The following CCDC68 variants were observed in gnomAD, a reference collection of about 807,000 sequenced individuals.
CCDC68 encodes the protein coiled-coil domain containing 68, also known as coiled-coil domain-containing protein 68.
In CCDC68, 45 loss-of-function variants were observed where a neutral mutation model predicts 47.1. That is an observed-to-expected ratio of 0.96 (90% CI 0.75 to 1.23). CCDC68 has a LOEUF of 1.23. CCDC68 is among the 50% of genes most tolerant of loss of function. The pLI, the probability that CCDC68 is intolerant of heterozygous loss-of-function variation, is 0.00. For synonymous variants in CCDC68, 131 were observed against 129.5 expected, an observed-to-expected ratio of 1.01 and a Z score of -0.08; for missense variants, 353 against 373.6, an observed-to-expected ratio of 0.94 and a Z score of 0.45.
In CCDC68 at chr18:54,940,997, C is replaced by T. The variant is rs755202062; in HGVS notation, c.204G>A (p.Lys68=). Residue 68 remains lysine, a splice_region_variant and synonymous_variant, in exon 4 of 12, where the codon AAG becomes AAA. Transcript: ENST00000591504. ...CTAATCTTCTGCAGGAAATTATTAC[C>T]TTTGCATCTAGTTTGTGATTTGTAC... ...HDSTNHKLDA[K]HCGNLQQGSD... is the part of the protein sequence containing the mutation. 3 of 1,597,352 alleles carry T rather than the reference C, an allele frequency of 1.9e-6. No homozygotes were observed. The highest frequency in any genetic ancestry group is 1.7e-6 in the Non-Finnish European group (2 of 1,166,214).
intron 1 of CCDC68, chr18:54,954,372 A>G (rs2044676970): frequency 6.6e-6 from 1 of 151,804 alleles, no homozygotes. Context: ...CCTACTTTTT[A>G]TCAACACCAT....
chr18:54,928,081 T>C (rs571106031), intron 8 of CCDC68, among the ~76,000 whole-genome samples: 1 of 152,316 alleles, frequency 6.6e-6, no homozygotes, highest in African/African-American at 2.4e-5. Flanking sequence ...TTGAACAATA[T>C]TATATAATTA....
At chr18:54,942,316 T>TTGGG (rs1195459139) in intron 3 of CCDC68, among the ~76,000 whole-genome samples, 1 of 152,062 alleles carries the variant, frequency 6.6e-6, no homozygotes, top group Non-Finnish European at 1.5e-5. Context: ...AAACGTCTAC[T>TTGGG]TGGGAACACG....
Position 54,934,870 on chromosome 18 carries a change from TTTC to T in CCDC68, c.547_549del (p.Glu183del). 6.2e-7 allele frequency: 1 copy of T among 1,604,244 alleles called. No individual in the cohort carries two copies. Among genetic ancestry groups the T allele is most frequent in the Non-Finnish European group, 8.5e-7 (1 of 1,175,800 alleles). On this transcript the variant is annotated inframe_deletion, in exon 7 of 12. Coordinates refer to ENST00000591504, the MANE Select transcript of CCDC68 (RefSeq NM_025214.3). ...TCCAATTCTGTAATTTGACTGTGTT[TTTC>T]TTCAAGTTTTTCAGCAACTTGATTC...
At chr18:54,917,869 A>T (rs201398207) in intron 10 of CCDC68, 44 bp downstream of exon 10, 1 of 845,054 alleles carries the variant, frequency 1.2e-6, no homozygotes, top group Admixed American at 2.3e-5. Flanking sequence ...ACACACACAC[A>T]CTCACACCCT....
At chr18:54,906,387 T>G (rs1185165722) in intron 11 of CCDC68, among the ~76,000 whole-genome samples, 2 of 152,122 alleles carry the variant, frequency 1.3e-5, no homozygotes, top group Non-Finnish European at 2.9e-5. Flanking sequence ...AAATACTAAT[T>G]AATAGCTGTA....
intron 7 of CCDC68, among the ~76,000 whole-genome samples, chr18:54,931,105 G>A (rs1322335968): frequency 6.6e-6 from 1 of 152,056 alleles, no homozygotes; most frequent in Non-Finnish European, 1.5e-5. Flanking sequence ...TGTAGGGTGA[G>A]GGAAAATAGT....
At chr18:54,946,370 G>A (rs1043830957) in intron 1 of CCDC68, among the ~76,000 whole-genome samples, 3 of 152,204 alleles carry the variant, frequency 2.0e-5, no homozygotes, top group South Asian at 2.1e-4. Context: ...GGCAAGGAGT[G>A]GGGGCAGGAC....
chr18:54,908,424 CATA>C (rs1176781338), intron 10 of CCDC68, among the ~76,000 whole-genome samples: 3 of 152,152 alleles, frequency 2.0e-5, no homozygotes, highest in African/African-American at 7.2e-5. Context: ...GTCATATGAA[CATA>C]ATATTTTACA....
chr18:54,955,148 C>T (rs1272291409), intron 1 of CCDC68, among the ~76,000 whole-genome samples: 1 of 151,950 alleles, frequency 6.6e-6, no homozygotes, highest in Non-Finnish European at 1.5e-5. Flanking sequence ...CAGTGATGCC[C>T]CATCTATGAA....
chr18:54,943,220 G>A (rs982755519), intron 2 of CCDC68, among the ~76,000 whole-genome samples: 2 of 152,018 alleles, frequency 1.3e-5, no homozygotes, highest in African/African-American at 4.8e-5. Context: ...TACATAGTCT[G>A]CAAAGCCTAT....
chr18:54,904,034 CAATCTT>C lies in CCDC68; in HGVS notation c.*318_*323del, dbSNP rs1913832830. 4.3e-6 allele frequency: 1 copy of C among 233,494 alleles called. No individual in the cohort carries two copies. The highest frequency in any genetic ancestry group is 1.0e-4 in the East Asian group (1 of 9,662). 14.5% of individuals were successfully genotyped at this position (233,494 alleles called of 1,614,324 possible). A position where few individuals can be genotyped will look rare whatever the true frequency, so the allele number is the denominator to read the frequency against. ...ACCACTATAAAAAAGTCAGAATTGA[CAATCTT>C]AAAACAATCCCAGTAGAAAAAAAAA... On this transcript the variant is annotated 3_prime_UTR_variant, in exon 12 of 12. Coordinates refer to ENST00000591504, the MANE Select transcript of CCDC68 (RefSeq NM_025214.3).
At chr18:54,932,716 T>C (rs538384563) in intron 7 of CCDC68, among the ~76,000 whole-genome samples, 1 of 152,330 alleles carries the variant, frequency 6.6e-6, no homozygotes, top group African/African-American at 2.4e-5. Flanking sequence ...GGGCAGGAGA[T>C]AGGCCATCAC....
intron 8 of CCDC68, among the ~76,000 whole-genome samples, chr18:54,925,187 C>T (rs907110131): frequency 2.6e-5 from 4 of 152,054 alleles, no homozygotes; most frequent in African/African-American, 9.7e-5. Context: ...TCAGTGATCC[C>T]CTGTGAGCAA....
At chr18:54,914,769 G>A (rs565068511) in intron 10 of CCDC68, among the ~76,000 whole-genome samples, 4 of 152,220 alleles carry the variant, frequency 2.6e-5, no homozygotes, top group East Asian at 1.9e-4. Context: ...AGGGACATAC[G>A]TATATTTCTG....
At chr18:54,913,969 C>T (rs2043899931) in intron 10 of CCDC68, among the ~76,000 whole-genome samples, 1 of 152,210 alleles carries the variant, frequency 6.6e-6, no homozygotes, top group Admixed American at 6.5e-5. Context: ...CCACACTCTT[C>T]CATTCTTCCT....
chr18:54,953,223 A>G (rs1260780554), intron 1 of CCDC68, among the ~76,000 whole-genome samples: 3 of 152,188 alleles, frequency 2.0e-5, no homozygotes, highest in Non-Finnish European at 4.4e-5. Flanking sequence ...AGGAACACAT[A>G]GGACTTTGGA....
At chr18:54,920,236 C>CTTTT (rs58528142) in intron 8 of CCDC68, among the ~76,000 whole-genome samples, 1 of 135,234 alleles carries the variant, frequency 7.4e-6, no homozygotes, top group Non-Finnish European at 1.6e-5. Context: ...TTTCTTTTTT[C>CTTTT]TTTTTTTTTT....
chr18:54,946,909 A>T (rs2044537868), intron 1 of CCDC68, among the ~76,000 whole-genome samples: 2 of 145,218 alleles, frequency 1.4e-5, no homozygotes, highest in South Asian at 4.6e-4. Context: ...CTGTTATTTT[A>T]TATTATCAAT....
Sources: gnomAD v4.1 joint callset for allele counts (sites outside exome capture counted in the v4.1 genomes callset) on GRCh38, gnomAD v4.1.1 for gene constraint, MANE v1.5 for transcripts, NCBI Gene and HGNC (gene_info 2026-07-23, HGNC 2026-07-21) for gene names.